Variants in WAPL observed in about 807,000 individuals in gnomAD.
WAPL encodes the protein wings apart-like protein homolog.
A neutral mutation model predicts 121.0 loss-of-function variants in WAPL; 5 were observed. The observed-to-expected ratio is 0.04, with a 90% CI of 0.02 to 0.09. WAPL has a LOEUF of 0.09. Ranked by LOEUF, WAPL falls within the 10% of genes least tolerant of loss-of-function variation. WAPL has a pLI of 1.00. For synonymous variants in WAPL, 480 were observed against 481.5 expected (o/e 1.00, Z 0.04); for missense variants, 999 against 1,410.8 (o/e 0.71, Z 4.68).
intron 3 of WAPL, 77 bp from the exon 4 acceptor site, chr10:86,497,396 A>C: frequency 9.8e-7 from 1 of 1,023,728 alleles, no homozygotes; most frequent in Non-Finnish European, 1.5e-6. Context: ...GATTATATAT[A>C]CATGAATGAA....
chr10:86,452,715 G>A (rs967867617), intron 14 of WAPL, among the ~76,000 whole-genome samples: 1 of 151,324 alleles, frequency 6.6e-6, no homozygotes, highest in Non-Finnish European at 1.5e-5. Flanking sequence ...TTTTTACATA[G>A]GGTCTTTTCA....
At chr10:86,513,236 G>GA (rs1564590697) in intron 2 of WAPL, among the ~76,000 whole-genome samples, 1 of 151,276 alleles carries the variant, frequency 6.6e-6, no homozygotes, top group South Asian at 2.1e-4. Context: ...GACCTCAAGC[G>GA]ATTCACCCGC....
chr10:86,491,118 T>C (rs1842037745), intron 4 of WAPL, among the ~76,000 whole-genome samples: 1 of 143,046 alleles, frequency 7.0e-6, no homozygotes, highest in South Asian at 2.2e-4. Flanking sequence ...AAACTATCAA[T>C]AACATAAACT....
Position 86,436,335 on chromosome 10 carries a change from A to G in WAPL, c.*1208T>C, listed in dbSNP as rs1253528779. The G allele has an allele frequency of 2.0e-5, 3 of 152,672 alleles. No homozygotes were observed. Among genetic ancestry groups the G allele is most frequent in the East Asian group, 3.8e-4 (2 of 5,208 alleles). 9.5% of individuals were successfully genotyped at this position (152,672 alleles called of 1,614,324 possible). ...AACTACCTGAAAGGTATTTAAAAGT[A>G]TTAATGAAAAAGATCTCTAGAAAGC... On this transcript the variant is annotated 3_prime_UTR_variant, in exon 19 of 19. Transcript: ENST00000298767.
intron 9 of WAPL, among the ~76,000 whole-genome samples, chr10:86,463,984 T>C (rs1358920051): frequency 1.3e-5 from 2 of 152,234 alleles, no homozygotes; most frequent in Admixed American, 1.3e-4. Context: ...TACACTCTGA[T>C]GTTCACACAG....
chr10:86,474,419 G>A (rs138527333), intron 4 of WAPL, among the ~76,000 whole-genome samples: 1,653 of 151,708 alleles, frequency 0.011, 37 homozygotes, highest in African/African-American at 0.037. Context: ...GGAGGCTGAG[G>A]CAGGAGAATC....
chr10:86,516,952 G>A (rs943939045), intron 2 of WAPL, among the ~76,000 whole-genome samples: 8 of 151,992 alleles, frequency 5.3e-5, no homozygotes, highest in Admixed American at 2.0e-4. Flanking sequence ...GCGTGGTGGC[G>A]GGCGCCTGTA....
chr10:86,449,920 G>A (rs920040242), intron 15 of WAPL, among the ~76,000 whole-genome samples: 2 of 152,204 alleles, frequency 1.3e-5, no homozygotes, highest in Non-Finnish European at 2.9e-5. Context: ...ATATCTCAAT[G>A]TAGTGGTGAG....
Position 86,500,428 on chromosome 10 carries a change from AATC to A in WAPL, c.812_814del (p.Arg271del). 6.2e-7 allele frequency: 1 copy of A among 1,614,256 alleles called. No individual in the cohort carries two copies. The highest frequency in any genetic ancestry group is 8.5e-7 in the Non-Finnish European group (1 of 1,180,056). ...CTCAATGGCTTCATTCAGATTTTCC[AATC>A]GATTTTTAAAATCGTCATCCTTCAT... On this transcript the variant is annotated inframe_deletion, in exon 3 of 19. Transcript: ENST00000298767.
At chr10:86,497,822 C>T (rs1274557685) in intron 3 of WAPL, among the ~76,000 whole-genome samples, 2 of 152,174 alleles carry the variant, frequency 1.3e-5, no homozygotes, top group Non-Finnish European at 2.9e-5. Context: ...TTATCCTTGG[C>T]AAGAGATTTA....
In WAPL at chr10:86,500,636, C is replaced by T. The variant is rs1346277938; in HGVS notation, c.607G>A (p.Glu203Lys). ...CAAGTATCATTTGTTTCCTTGATTTCAGAAGCCACTGTAGTTTCTGCATTG... is the reference window on the plus strand; with the variant it reads ...CAAGTATCATTTGTTTCCTTGATTTTAGAAGCCACTGTAGTTTCTGCATTG... ...KPNAETTVAS[E>K]IKETNDTWNS... Residue 203 changes from glutamate to lysine, a missense_variant, in exon 3 of 19, where the codon GAA becomes AAA. Glu to Lys is a moderately conservative substitution (Grantham distance 56). This residue lies in a region of WAPL where 531 missense variants were observed against 563.1 expected (regional missense o/e 0.94). Coordinates refer to ENST00000298767, the MANE Select transcript of WAPL (RefSeq NM_015045.5). 3 of 1,613,962 alleles carry T rather than the reference C, an allele frequency of 1.9e-6. No homozygotes were observed. Among genetic ancestry groups the T allele is most frequent in the Non-Finnish European group, 2.5e-6 (3 of 1,180,014 alleles).
intron 12 of WAPL, among the ~76,000 whole-genome samples, chr10:86,457,865 T>C (rs927538535): frequency 1.3e-5 from 2 of 152,000 alleles, no homozygotes; most frequent in African/African-American, 4.8e-5. Flanking sequence ...TTTAAAAGAG[T>C]CCTTTTCTTC....
chr10:86,515,112 T>C (rs1273713646), intron 2 of WAPL, among the ~76,000 whole-genome samples: 4 of 151,284 alleles, frequency 2.6e-5, no homozygotes, highest in Non-Finnish European at 5.9e-5. Context: ...ATACAAAAAT[T>C]AGCAGGGCAT....
chr10:86,454,409 G>A (rs1036918198), intron 12 of WAPL, among the ~76,000 whole-genome samples: 4 of 151,536 alleles, frequency 2.6e-5, no homozygotes, highest in Non-Finnish European at 4.4e-5. Flanking sequence ...CTCTCTCCAC[G>A]GTCTCCCTCT....
intron 2 of WAPL, among the ~76,000 whole-genome samples, chr10:86,502,683 A>G (rs1186669409): frequency 1.3e-5 from 2 of 152,236 alleles, no homozygotes; most frequent in Non-Finnish European, 2.9e-5. Context: ...TTACCCTCTT[A>G]TAAGAAAATG....
At chr10:86,454,453 A>G (rs1841081296) in intron 12 of WAPL, among the ~76,000 whole-genome samples, 1 of 152,084 alleles carries the variant, frequency 6.6e-6, no homozygotes, top group South Asian at 2.1e-4. Context: ...TACTGCCGCC[A>G]TCTCGGCTCA....
chr10:86,503,316 T>C (rs934660610), intron 2 of WAPL, among the ~76,000 whole-genome samples: 1 of 151,952 alleles, frequency 6.6e-6, no homozygotes, highest in African/African-American at 2.4e-5. Flanking sequence ...AAGAAATCTG[T>C]GCAAATGATA....
chr10:86,485,380 A>G (rs539602536), intron 4 of WAPL, among the ~76,000 whole-genome samples: 3 of 152,092 alleles, frequency 2.0e-5, no homozygotes, highest in African/African-American at 7.2e-5. Flanking sequence ...CTAAAAATAC[A>G]AAAATTAGCC....
At position 86,521,591 on chromosome 10, in the gene WAPL, G is replaced by A; in HGVS notation, c.-249C>T. On this transcript the variant is annotated 5_prime_UTR_variant, in exon 1 of 19. Coordinates refer to ENST00000298767, the MANE Select transcript of WAPL (RefSeq NM_015045.5). ...CTCGAGCGCCGCCGGCCGGGCCCAG[G>A]CCTAGCTCTCGCTGGCCGCCACTGC... The A allele has an allele frequency of 4.4e-6, 2 of 452,420 alleles. No homozygotes were observed. Among genetic ancestry groups the A allele is most frequent in the East Asian group, 8.2e-5 (1 of 12,216 alleles). 28.0% of individuals were successfully genotyped at this position (452,420 alleles called of 1,614,324 possible). A position where few individuals can be genotyped will look rare whatever the true frequency, so the allele number is the denominator to read the frequency against.
Sources: gnomAD v4.1 joint callset for allele counts (sites outside exome capture counted in the v4.1 genomes callset) on GRCh38, gnomAD v4.1.1 for gene constraint, gnomAD v4.1.1 regional missense constraint, MANE v1.5 for transcripts, NCBI Gene and HGNC (gene_info 2026-07-23, HGNC 2026-07-21) for gene names.